BAHCC1: variants seen among roughly 807,000 people sequenced by gnomAD.
The protein encoded by BAHCC1 is BAH domain and coiled-coil containing 1.
Under a neutral mutation model 88.2 loss-of-function variants are expected in BAHCC1, and 43 were observed. The ratio of observed to expected loss-of-function variants is 0.49; its 90% CI spans 0.38 to 0.63. The LOEUF (loss-of-function observed/expected upper bound fraction) is 0.63. Among genes scored for constraint, BAHCC1 ranks in the 20% least tolerant of loss-of-function variants. The pLI is 0.00. For synonymous variants in BAHCC1, 1,510 were observed against 745.5 expected (o/e 2.03, Z -16.71); for missense variants, 3,023 against 1,654.8 (o/e 1.83, Z -14.34).
rs782042112 is a variant in BAHCC1 at position 81,460,415 on chromosome 17, C to T, written c.6025+19C>T. The T allele has an allele frequency of 7.2e-5, 54 of 747,550 alleles. No homozygotes were observed. The Admixed American group carries it at 9.1e-4, about 13-fold the overall frequency. The allele number at this position is 747,550 out of a possible 1,614,324, so 46.3% of individuals were successfully genotyped here. On this transcript the variant is annotated intron_variant, in intron 24 of 27. Coordinates refer to ENST00000675386, the MANE Select transcript of BAHCC1 (RefSeq NM_001377448.1). ...ATCCAGTGTGAGCCTGGGAGCTGCA[C>T]GGGGCAGGGCCCTGCCTGGGCTCCA... is the stretch of plus-strand genomic sequence containing the variant.
At position 81,460,523 on chromosome 17, in the gene BAHCC1, T is replaced by C. The variant is rs782413917; in HGVS notation, c.6026-7T>C. ...GCACTGAAGCCCTTGGCCCATGCTA[T>C]CCACAGGCACAGAGCCCTCTCCAGC... is the stretch of plus-strand genomic sequence containing the variant. On this transcript the variant is annotated splice_region_variant and splice_polypyrimidine_tract_variant and intron_variant, in intron 24 of 27. Transcript: ENST00000675386. The C allele has an allele frequency of 2.7e-5, 20 of 742,510 alleles. No homozygotes were observed. Among genetic ancestry groups the C allele is most frequent in the Non-Finnish European group, 3.5e-5 (14 of 399,952 alleles). The allele number at this position is 742,510 out of a possible 1,614,324, so 46.0% of individuals were successfully genotyped here. A position where few individuals can be genotyped will look rare whatever the true frequency, so the allele number is the denominator to read the frequency against.
intron 2 of BAHCC1, among the ~76,000 whole-genome samples, chr17:81,418,810 C>CGTGTGTGTGTGTGTGTACGTGTGT (rs2064074779): frequency 2.7e-5 from 4 of 146,330 alleles, no homozygotes; most frequent in Non-Finnish European, 4.5e-5. Flanking sequence ...TGTGTGTGTA[C>CGTGTGTGTGTGTGTGTACGTGTGT]GTGTGTGTGT....
intron 2 of BAHCC1, among the ~76,000 whole-genome samples, chr17:81,403,541 G>A (rs1441934875): frequency 1.3e-5 from 2 of 151,310 alleles, no homozygotes; most frequent in Non-Finnish European, 2.9e-5. Context: ...CCCCCAACTT[G>A]GCAGAGGAAA....
In BAHCC1 at chr17:81,452,815, C is replaced by CG; in HGVS notation, c.4413dup (p.Pro1472AlafsTer58). ...AGCTCGCTGCCTGCCCCACGTCCCA[C>CG]GGGGCCGCTCCCCAGGAGCGATGGC... On this transcript the variant is annotated frameshift_variant, in exon 14 of 28. Transcript: ENST00000675386. LOFTEE classifies it high-confidence loss of function. 4.0e-6 allele frequency: 3 copies of CG among 742,746 alleles called. No homozygotes were observed. The South Asian group carries it at 4.3e-5, about 11-fold the overall frequency. The allele number at this position is 742,746 out of a possible 1,614,324, so 46.0% of individuals were successfully genotyped here.
chr17:81,454,999 C>T (rs1335185164), intron 14 of BAHCC1, among the ~76,000 whole-genome samples: 5 of 152,228 alleles, frequency 3.3e-5, no homozygotes, highest in Non-Finnish European at 5.9e-5. Context: ...CCAGTATAGC[C>T]AAGTGGGGGA....
intron 2 of BAHCC1, among the ~76,000 whole-genome samples, chr17:81,405,489 AACTCAATCTG>A (rs2063866973): frequency 2.0e-5 from 3 of 151,966 alleles, no homozygotes; most frequent in Non-Finnish European, 4.4e-5. Context: ...GCTGTTTCTT[AACTCAATCTG>A]CCTCCCCCGC....
chr17:81,430,837 C>T (rs1043294494), intron 3 of BAHCC1, among the ~76,000 whole-genome samples: 12 of 152,028 alleles, frequency 7.9e-5, no homozygotes, highest in African/African-American at 2.7e-4. Context: ...CCGCTGACCA[C>T]CCCAGCACTG....
At chr17:81,441,592 G>A (rs1441369829) in intron 4 of BAHCC1, among the ~76,000 whole-genome samples, 2 of 151,468 alleles carry the variant, frequency 1.3e-5, no homozygotes, top group Non-Finnish European at 2.9e-5. Context: ...AACCCGGGAG[G>A]TGGAGCTTGC....
At chr17:81,450,377 C>A (rs2064610811) in intron 11 of BAHCC1, among the ~76,000 whole-genome samples, 1 of 152,188 alleles carries the variant, frequency 6.6e-6, no homozygotes, top group Non-Finnish European at 1.5e-5. Flanking sequence ...TGGGCCCGAC[C>A]CTGCATGGAC....
At position 81,452,092 on chromosome 17, in the gene BAHCC1, G is replaced by A. The variant is rs782140218; in HGVS notation, c.4301G>A (p.Arg1434His). The A allele has an allele frequency of 1.1e-4, 69 of 636,154 alleles. No individual in the cohort carries two copies. The highest frequency in any genetic ancestry group is 1.6e-4 in the Non-Finnish European group (58 of 359,722). 39.4% of individuals were successfully genotyped at this position (636,154 alleles called of 1,614,324 possible). A position where few individuals can be genotyped will look rare whatever the true frequency, so the allele number is the denominator to read the frequency against. ...EKQRELARLQRKHDHERDESS... is the reference protein window; with the variant it reads ...EKQRELARLQHKHDHERDESS... ...CAGCGGGAGCTGGCCCGCCTGCAGCGCAAGCACGACCATGAGTACGCCTGG... is the reference window on the plus strand; with the variant it reads ...CAGCGGGAGCTGGCCCGCCTGCAGCACAAGCACGACCATGAGTACGCCTGG... Residue 1434 changes from arginine to histidine, a missense_variant, in exon 13 of 28, where the codon CGC becomes CAC. Physicochemically the swap from Arg to His is conservative, Grantham distance 29. Coordinates refer to ENST00000675386, the MANE Select transcript of BAHCC1 (RefSeq NM_001377448.1).
intron 3 of BAHCC1, among the ~76,000 whole-genome samples, chr17:81,433,465 G>A (rs111519584): frequency 6.6e-6 from 1 of 151,562 alleles, no homozygotes; most frequent in East Asian, 1.9e-4. Flanking sequence ...TCAGTCCACC[G>A]AGGCCCCTCC....
intron 6 of BAHCC1, 93 bp downstream of exon 6, chr17:81,444,010 G>T (rs1360825603): frequency 4.4e-6 from 3 of 674,572 alleles, no homozygotes; most frequent in Non-Finnish European, 8.1e-6. Context: ...GGGTGGTCAT[G>T]GCTGGGGCAG....
At position 81,411,944 on chromosome 17, in the gene BAHCC1, G is replaced by A. The variant is rs374877854; in HGVS notation, c.178+12027G>A. Among the ~76,000 whole-genome samples the A allele has an allele frequency of 6.6e-6, 1 of 152,356 alleles. No individual in the cohort carries two copies. Among genetic ancestry groups the A allele is most frequent in the East Asian group, 1.9e-4 (1 of 5,176 alleles). On this transcript the variant is annotated intron_variant, in intron 2 of 27. Coordinates refer to ENST00000675386, the MANE Select transcript of BAHCC1 (RefSeq NM_001377448.1). This position sits in a 1 kb window ranked among gnomAD's most constrained non-coding sequence, Gnocchi z 6.2. ...GGTAGCTTTGCCACAGGAAGCATTT[G>A]CATTCAGCGAGACACACAGGCGCAC...
intron 3 of BAHCC1, among the ~76,000 whole-genome samples, chr17:81,437,163 C>T (rs1385419409): frequency 6.6e-6 from 1 of 152,228 alleles, no homozygotes; most frequent in Non-Finnish European, 1.5e-5. Context: ...CCCCGCCCTG[C>T]CCCGCCCAGC....
In BAHCC1 at chr17:81,435,026, C is replaced by A. The variant is rs1478646131; in HGVS notation, c.359-3344C>A. 2.0e-5 allele frequency among the ~76,000 whole-genome samples: 3 copies of A among 152,018 alleles called. No homozygotes were observed. The highest frequency in any genetic ancestry group is 4.4e-5 in the Non-Finnish European group (3 of 67,984). ...GAGGAAAGGAAGGGTCCCCTCACCC[C>A]TGGCCGTCCCCAGCCCCCATTTCTC... On this transcript the variant is annotated intron_variant, in intron 3 of 27. Transcript: ENST00000675386. The surrounding 1 kb of genome is among the most constrained non-coding windows in gnomAD (Gnocchi z 4.4).
intron 2 of BAHCC1, chr17:81,409,997 G>A: frequency 3.9e-6 from 1 of 257,012 alleles, no homozygotes; most frequent in Non-Finnish European, 8.4e-6. Flanking sequence ...AGCTGCCCCG[G>A]CCTAAGGTGG....
chr17:81,446,886 C>T (rs533648639), intron 10 of BAHCC1, 150 bp from the exon 11 acceptor site: 121 of 668,140 alleles, frequency 1.8e-4, no homozygotes, highest in South Asian at 7.8e-4. Context: ...ACCCTTTCCC[C>T]GCCACCAGTC....
intron 2 of BAHCC1, chr17:81,422,860 C>T (rs549102340): frequency 5.1e-4 from 186 of 362,612 alleles, no homozygotes; most frequent in Non-Finnish European, 9.4e-4. Flanking sequence ...GCCTGGGGGA[C>T]TCGAGGCGGG....
chr17:81,426,126 A>AGTGGTGGGTGAGGTGGTTGGTGGTGAT (rs2064194117), intron 2 of BAHCC1, among the ~76,000 whole-genome samples: 1 of 3,208 alleles, frequency 3.1e-4, no homozygotes, highest in Non-Finnish European at 7.8e-4. Flanking sequence ...TGGTGGTGAT[A>AGTGGTGGGTGAGGTGGTTGGTGGTGAT]GTGGTTGGTG....
Sources: gnomAD v4.1 joint callset for allele counts (sites outside exome capture counted in the v4.1 genomes callset) on GRCh38, gnomAD v4.1.1 for gene constraint, Gnocchi (gnomAD v3.1) non-coding constraint, MANE v1.5 for transcripts, NCBI Gene and HGNC (gene_info 2026-07-23, HGNC 2026-07-21) for gene names.